RANBP3L: variants seen among roughly 807,000 people sequenced by gnomAD.
The protein encoded by RANBP3L is RAN binding protein 3 like.
In RANBP3L, 56 loss-of-function variants were observed where a neutral mutation model predicts 67.2. The observed-to-expected ratio is 0.83, with a 90% CI of 0.67 to 1.04. The LOEUF is 1.04. Among genes scored for constraint, RANBP3L ranks in the 50% least tolerant of loss-of-function variants. RANBP3L has a pLI of 0.00. For missense variants in RANBP3L, 496 were observed against 535.5 expected, an observed-to-expected ratio of 0.93 and a Z score of 0.73; for synonymous variants, 164 against 181.4, an observed-to-expected ratio of 0.90 and a Z score of 0.77.
chr5:36,270,038 A>G, intron 2 of RANBP3L, 48 bp from the exon 3 acceptor site: 1 of 1,546,384 alleles, frequency 6.5e-7, no homozygotes. Context: ...TTGCCTTTGT[A>G]TTATGTTGGT....
chr5:36,276,252 C>A (rs1431562130), intron 1 of RANBP3L, among the ~76,000 whole-genome samples: 1 of 152,112 alleles, frequency 6.6e-6, no homozygotes, highest in African/African-American at 2.4e-5. Context: ...AGTTCTTGGC[C>A]TTCACCTTTA....
At chr5:36,290,581 T>G (rs1463510063) in intron 1 of RANBP3L, among the ~76,000 whole-genome samples, 1 of 152,040 alleles carries the variant, frequency 6.6e-6, no homozygotes, top group Non-Finnish European at 1.5e-5. Context: ...TTGAAAGAAG[T>G]AGCTTTGGGG....
Position 36,301,488 on chromosome 5 carries a change from CCTTCACCAGA to C in RANBP3L, c.-82_-73del. On this transcript the variant is annotated 5_prime_UTR_variant, in exon 1 of 14. It removes the in-frame stop codon of an upstream open reading frame in the 5' UTR. Coordinates refer to ENST00000296604, the MANE Select transcript of RANBP3L (RefSeq NM_145000.5). Reference sequence around the variant, plus strand: ...TTCTCTGGCCAGTCACCTAAAGTGGCCTTCACCAGACACCCAGAAATACATAGATTCATGC... The same window carrying C: ...TTCTCTGGCCAGTCACCTAAAGTGGCCACCCAGAAATACATAGATTCATGC... 1 of 1,122,082 alleles carries C rather than the reference CCTTCACCAGA, an allele frequency of 8.9e-7. No homozygotes were observed. The highest frequency in any genetic ancestry group is 1.3e-6 in the Non-Finnish European group (1 of 742,342). The allele number at this position is 1,122,082 out of a possible 1,614,324, so 69.5% of individuals were successfully genotyped here.
Position 36,247,252 on chromosome 5 carries a change from T to C in RANBP3L, c.*2402A>G, listed in dbSNP as rs1748347500. ...TATTCCTCCAAAATTGTACTAAATATTTGTGTAAGAATTCTAAGAAAGAAT... is the reference window on the plus strand; with the variant it reads ...TATTCCTCCAAAATTGTACTAAATACTTGTGTAAGAATTCTAAGAAAGAAT... On this transcript the variant is annotated 3_prime_UTR_variant, in exon 14 of 14. Transcript: ENST00000296604. Among the ~76,000 whole-genome samples, 1 of 152,150 alleles carries C rather than the reference T, an allele frequency of 6.6e-6. No homozygotes were observed. Among genetic ancestry groups the C allele is most frequent in the African/African-American group, 2.4e-5 (1 of 41,436 alleles).
chr5:36,292,934 G>A, intron 1 of RANBP3L, among the ~76,000 whole-genome samples: 1 of 147,044 alleles, frequency 6.8e-6, no homozygotes, highest in Non-Finnish European at 1.5e-5. Flanking sequence ...CCAATTCTGT[G>A]AAGAAAGTCG....
intron 1 of RANBP3L, among the ~76,000 whole-genome samples, chr5:36,290,957 G>C (rs1751706387): frequency 6.8e-6 from 1 of 147,874 alleles, no homozygotes; most frequent in Non-Finnish European, 1.5e-5. Flanking sequence ...TGTTGGCCAG[G>C]ATGGTCTCGA....
chr5:36,260,660 G>A lies in RANBP3L; in HGVS notation c.669+120C>T, dbSNP rs575540886. The A allele has an allele frequency of 6.3e-4, 357 of 569,260 alleles. 2 individuals are homozygous for A. The highest frequency in any genetic ancestry group is 8.4e-4 in the Admixed American group (24 of 28,724). The allele number at this position is 569,260 out of a possible 1,614,324, so 35.3% of individuals were successfully genotyped here. On this transcript the variant is annotated intron_variant, in intron 8 of 13. Transcript: ENST00000296604. ...TTCCAGTTAAAGAAAGAAAATGTGCGTTTGAACTCAGGAGTTAAAAAGTAT... is the reference window on the plus strand; with the variant it reads ...TTCCAGTTAAAGAAAGAAAATGTGCATTTGAACTCAGGAGTTAAAAAGTAT...
At chr5:36,265,345 C>G in intron 5 of RANBP3L, 104 bp downstream of exon 5, 1 of 776,206 alleles carries the variant, frequency 1.3e-6, no homozygotes. Context: ...TTTTGTCACT[C>G]TGACCTACCT....
At chr5:36,263,320 G>A (rs1749527295) in intron 6 of RANBP3L, among the ~76,000 whole-genome samples, 1 of 151,896 alleles carries the variant, frequency 6.6e-6, no homozygotes, top group South Asian at 2.1e-4. Context: ...GATCATTTAA[G>A]AAGAAAATGG....
Position 36,262,023 on chromosome 5 carries a change from T to C in RANBP3L, c.500A>G (p.Tyr167Cys). Residue 167 changes from tyrosine (Y) to cysteine (C), a missense_variant, in exon 7 of 14, where the codon TAT (tyrosine) becomes TGT (cysteine). Coordinates refer to ENST00000296604, the MANE Select transcript of RANBP3L (RefSeq NM_145000.5). ...TNNKISEGNS[Y>C]LLSENLSRAR... ...CCTTGATAAATTTTCACTTAACAAATAGGAATTTCCCTCAGAAATCTGAAA... is the reference window on the plus strand; with the variant it reads ...CCTTGATAAATTTTCACTTAACAAACAGGAATTTCCCTCAGAAATCTGAAA... 10 of 1,591,760 alleles carry C rather than the reference T, an allele frequency of 6.3e-6. No individual in the cohort carries two copies. The highest frequency in any genetic ancestry group is 8.6e-6 in the Non-Finnish European group (10 of 1,161,182).
chr5:36,272,975 C>T (rs1286777409), intron 1 of RANBP3L, among the ~76,000 whole-genome samples: 2 of 152,088 alleles, frequency 1.3e-5, no homozygotes, highest in Non-Finnish European at 2.9e-5. Flanking sequence ...ACTTACCATG[C>T]TGTCTTCCCT....
chr5:36,290,966 G>A (rs1274083802), intron 1 of RANBP3L, among the ~76,000 whole-genome samples: 4 of 144,752 alleles, frequency 2.8e-5, no homozygotes, highest in South Asian at 2.2e-4. Context: ...GGATGGTCTC[G>A]ATCTCCTGAC....
chr5:36,269,797 G>A (rs1244404513), intron 3 of RANBP3L, among the ~76,000 whole-genome samples, 154 bp downstream of exon 3: 2 of 152,124 alleles, frequency 1.3e-5, no homozygotes, highest in Non-Finnish European at 2.9e-5. Flanking sequence ...GGACCTATAT[G>A]TCATCTTTCA....
At chr5:36,265,576 C>A in intron 4 of RANBP3L, 56 bp from the exon 5 acceptor site, 1 of 1,021,730 alleles carries the variant, frequency 9.8e-7, no homozygotes, top group Non-Finnish European at 1.5e-6. Context: ...AGATTCTACA[C>A]TATTTGGGGC....
intron 1 of RANBP3L, among the ~76,000 whole-genome samples, chr5:36,294,320 G>C (rs1005181336): frequency 2.1e-4 from 32 of 151,644 alleles, no homozygotes; most frequent in Non-Finnish European, 3.7e-4. Context: ...TGCTAGCGGT[G>C]TATCAATTTT....
In RANBP3L at chr5:36,247,459, T is replaced by G. The variant is rs1748354971; in HGVS notation, c.*2195A>C. Among the ~76,000 whole-genome samples, 2 of 152,242 alleles carry G rather than the reference T, an allele frequency of 1.3e-5. No individual in the cohort carries two copies. The highest frequency in any genetic ancestry group is 4.1e-4 in the South Asian group (2 of 4,832). On this transcript the variant is annotated 3_prime_UTR_variant, in exon 14 of 14. Transcript: ENST00000296604. ...TAGATGAGAAATTAAGATAGTTAAT[T>G]TTTTCCATTGATATATGCGGAGAAA...
Position 36,251,312 on chromosome 5 carries a change from C to T in RANBP3L, c.1354+1G>A. 1 of 1,609,812 alleles carries T rather than the reference C, an allele frequency of 6.2e-7. No homozygotes were observed. Among genetic ancestry groups the T allele is most frequent in the South Asian group, 1.1e-5 (1 of 90,390 alleles). ...GAACTAACAAAACAAAAGCTATTTA[C>T]CTGATCCATTTTTAGTGACTTGGAT... is the stretch of plus-strand genomic sequence containing the variant. On this transcript the variant is annotated splice_donor_variant, in intron 13 of 13. Coordinates refer to ENST00000296604, the MANE Select transcript of RANBP3L (RefSeq NM_145000.5). LOFTEE classifies it high-confidence loss of function.
chr5:36,271,323 A>G lies in RANBP3L; in HGVS notation c.92-12T>C, dbSNP rs750779322. On this transcript the variant is annotated splice_polypyrimidine_tract_variant and intron_variant, in intron 1 of 13. Transcript: ENST00000296604. Reference sequence around the variant, plus strand: ...AATGACAGATTTTTCTGTGAAAAAAAAGAAAACAGGCAAGAAATCAAAGCA... The same window carrying G: ...AATGACAGATTTTTCTGTGAAAAAAGAGAAAACAGGCAAGAAATCAAAGCA... The G allele has an allele frequency of 1.3e-6, 2 of 1,545,166 alleles. No homozygotes were observed. Among genetic ancestry groups the G allele is most frequent in the Non-Finnish European group, 8.9e-7 (1 of 1,120,654 alleles).
intron 1 of RANBP3L, among the ~76,000 whole-genome samples, chr5:36,296,208 A>T (rs1177072088): frequency 1.3e-5 from 2 of 152,198 alleles, no homozygotes; most frequent in Non-Finnish European, 2.9e-5. Context: ...CTAGTGAATT[A>T]TCAAATCTGA....
Sources: gnomAD v4.1 joint callset for allele counts (sites outside exome capture counted in the v4.1 genomes callset) on GRCh38, gnomAD v4.1.1 for gene constraint, MANE v1.5 for transcripts, NCBI Gene and HGNC (gene_info 2026-07-23, HGNC 2026-07-21) for gene names.